The following GSG1L variants were observed in gnomAD, a reference collection of about 807,000 sequenced individuals.
The protein encoded by GSG1L is germ cell-specific gene 1-like protein.
GSG1L carries 24 observed loss-of-function variants against 42.1 expected under a neutral mutation model. That is an observed-to-expected ratio of 0.57 (90% CI 0.41 to 0.80). The LOEUF (loss-of-function observed/expected upper bound fraction) is 0.80, where lower values mean the gene tolerates loss of function less well. Ranked by LOEUF, GSG1L falls within the 30% of genes least tolerant of loss-of-function variation. GSG1L has a pLI of 0.00. For synonymous variants in GSG1L, 215 were observed against 203.5 expected, an observed-to-expected ratio of 1.06 and a Z score of -0.48; for missense variants, 445 against 472.2, an observed-to-expected ratio of 0.94 and a Z score of 0.53.
chr16:27,799,576 A>G (rs2082859449), intron 6 of GSG1L, among the ~76,000 whole-genome samples: 1 of 152,076 alleles, frequency 6.6e-6, no homozygotes, highest in African/African-American at 2.4e-5. Context: ...CAAAAACAGA[A>G]AAACAAGTGA....
At chr16:27,804,062 G>GATAGATAGATAGATAC (rs1300224392) in intron 6 of GSG1L, among the ~76,000 whole-genome samples, 4 of 151,782 alleles carry the variant, frequency 2.6e-5, no homozygotes, top group Non-Finnish European at 5.9e-5. Flanking sequence ...TAGATAGATA[G>GATAGATAGATAGATAC]ATAGATAGAT....
At chr16:27,986,082 T>C (rs2085378043) in intron 1 of GSG1L, among the ~76,000 whole-genome samples, 1 of 152,192 alleles carries the variant, frequency 6.6e-6, no homozygotes, top group African/African-American at 2.4e-5. Context: ...GAATATGACC[T>C]TTGCGTGTGC....
At chr16:27,984,435 C>A (rs1216914817) in intron 1 of GSG1L, among the ~76,000 whole-genome samples, 1 of 152,124 alleles carries the variant, frequency 6.6e-6, no homozygotes, top group Admixed American at 6.5e-5. Context: ...GGCATGAGTA[C>A]AAGGATGCCC....
intron 1 of GSG1L, among the ~76,000 whole-genome samples, chr16:28,008,868 G>A (rs2085676501): frequency 6.6e-6 from 1 of 152,172 alleles, no homozygotes; most frequent in Non-Finnish European, 1.5e-5. Flanking sequence ...GAGTACAGTG[G>A]CGGGATTTCG....
At chr16:27,987,062 C>T (rs1269014883) in intron 1 of GSG1L, among the ~76,000 whole-genome samples, 1 of 152,004 alleles carries the variant, frequency 6.6e-6, no homozygotes, top group East Asian at 1.9e-4. Context: ...ACTAAAAATA[C>T]AAAAATTAGC....
intron 1 of GSG1L, among the ~76,000 whole-genome samples, chr16:27,970,886 T>C (rs2085186740): frequency 6.6e-6 from 1 of 152,332 alleles, no homozygotes; most frequent in Non-Finnish European, 1.5e-5. Flanking sequence ...TATCCGGTTG[T>C]CTCAGAAGCA....
intron 1 of GSG1L, among the ~76,000 whole-genome samples, chr16:28,032,992 G>A (rs1220150662): frequency 6.6e-6 from 1 of 152,074 alleles, no homozygotes; most frequent in Non-Finnish European, 1.5e-5. Flanking sequence ...CTGCTTAAAC[G>A]CCCTCAAAGG....
intron 2 of GSG1L, among the ~76,000 whole-genome samples, chr16:27,907,199 T>C (rs542496674): frequency 1.1e-4 from 17 of 152,126 alleles, no homozygotes; most frequent in Admixed American, 2.6e-4. Context: ...AAACTGGAGC[T>C]GCCGGGAGCA....
In GSG1L at chr16:28,062,410, T is replaced by A. The variant is rs560217927; in HGVS notation, c.349+666A>T. ...CTCCTCGACCCGGAGTTTGCCCAGC[T>A]GTCCCCAGTTCCCTAGCCTGCCTCT... is the stretch of plus-strand genomic sequence containing the variant. On this transcript the variant is annotated intron_variant, in intron 1 of 6. Transcript: ENST00000447459. Among the ~76,000 whole-genome samples, 13 of 152,336 alleles carry A rather than the reference T, an allele frequency of 8.5e-5. No individual in the cohort carries two copies. The East Asian group carries it at 2.5e-3, about 29-fold the overall frequency.
chr16:27,980,439 A>G (rs1453785477), intron 1 of GSG1L, among the ~76,000 whole-genome samples: 1 of 152,202 alleles, frequency 6.6e-6, no homozygotes, highest in African/African-American at 2.4e-5. Context: ...CAGTAGCAAC[A>G]GTTTCACAAA....
chr16:28,057,683 A>G (rs74400007), intron 1 of GSG1L, among the ~76,000 whole-genome samples: 6,515 of 152,254 alleles, frequency 0.043, 468 homozygotes, highest in African/African-American at 0.14. Flanking sequence ...AGCAAGTCCC[A>G]TTTACCAAGT....
chr16:27,950,172 C>A (rs771261366), intron 2 of GSG1L, among the ~76,000 whole-genome samples: 13 of 152,100 alleles, frequency 8.5e-5, no homozygotes, highest in Non-Finnish European at 1.9e-4. Context: ...TTTCTCATAG[C>A]AAAGCATGCT....
rs114775031 is a variant in GSG1L, at chr16:28,025,311, G to A, written c.349+37765C>T. Among the ~76,000 whole-genome samples the A allele has an allele frequency of 6.7e-3, 1,014 of 152,232 alleles. 5 individuals carry two copies. Among genetic ancestry groups the A allele is most frequent in the African/African-American group, 0.018 (738 of 41,536 alleles). On this transcript the variant is annotated intron_variant, in intron 1 of 6. Transcript: ENST00000447459. Reference sequence around the variant, plus strand: ...GCCAGCAGCTAGGGCCAGGAGGCTCGGGGAGCCTTAAATCTCCCCAGATGG... The same window carrying A: ...GCCAGCAGCTAGGGCCAGGAGGCTCAGGGAGCCTTAAATCTCCCCAGATGG...
At chr16:27,791,512 A>G in intron 6 of GSG1L, 45 bp from the exon 7 acceptor site, 1 of 1,335,018 alleles carries the variant, frequency 7.5e-7, no homozygotes, top group South Asian at 1.7e-5. Flanking sequence ...ACCTTCCTCC[A>G]CCCACATCCT....
At chr16:28,043,481 A>C (rs2086131227) in intron 1 of GSG1L, among the ~76,000 whole-genome samples, 1 of 152,228 alleles carries the variant, frequency 6.6e-6, no homozygotes, top group African/African-American at 2.4e-5. Context: ...GACAGAGAAA[A>C]CGAGAGACAT....
chr16:27,966,499 GAAAC>G (rs1248927800), intron 1 of GSG1L, among the ~76,000 whole-genome samples: 4 of 141,472 alleles, frequency 2.8e-5, no homozygotes, highest in Non-Finnish European at 6.2e-5. Context: ...TAGGAAAAAG[GAAAC>G]AAACAAACAA....
At chr16:28,022,480 T>A (rs2085855436) in intron 1 of GSG1L, among the ~76,000 whole-genome samples, 1 of 74,014 alleles carries the variant, frequency 1.4e-5, no homozygotes, top group South Asian at 8.2e-4. Flanking sequence ...AACCAGCTAA[T>A]TTTTTTTTTT....
At chr16:27,859,841 A>T (rs1414214717) in intron 3 of GSG1L, among the ~76,000 whole-genome samples, 3 of 141,794 alleles carry the variant, frequency 2.1e-5, no homozygotes, top group African/African-American at 7.8e-5. Flanking sequence ...ATGCCCAGCT[A>T]TTTTTTTTTT....
intron 2 of GSG1L, among the ~76,000 whole-genome samples, chr16:27,886,930 CTT>C (rs2084038068): frequency 6.6e-6 from 1 of 151,954 alleles, no homozygotes; most frequent in African/African-American, 2.4e-5. Context: ...CTCTCTGTCT[CTT>C]TTCTTTCTCT....
Sources: allele counts gnomAD v4.1 joint callset (sites outside exome capture counted in the v4.1 genomes callset), GRCh38; gene constraint gnomAD v4.1.1; transcripts MANE v1.5; gene names NCBI Gene and HGNC (gene_info 2026-07-23, HGNC 2026-07-21).